The following SPIDR variants were observed in gnomAD, a reference collection of about 807,000 sequenced individuals.
The protein encoded by SPIDR is scaffold protein involved in DNA repair.
In SPIDR, 93 loss-of-function variants were observed where a neutral mutation model predicts 104.6. The observed-to-expected ratio is 0.89, with a 90% CI of 0.75 to 1.06. SPIDR has a LOEUF of 1.06. SPIDR is among the 50% of genes least tolerant of loss of function. SPIDR has a pLI of 0.00. For synonymous variants in SPIDR, 431 were observed against 416.9 expected (o/e 1.03, Z -0.41); for missense variants, 1,154 against 1,111.2 (o/e 1.04, Z -0.55).
chr8:47,378,757 A>G (rs1178499008), intron 5 of SPIDR, among the ~76,000 whole-genome samples: 3 of 152,338 alleles, frequency 2.0e-5, no homozygotes, highest in Non-Finnish European at 4.4e-5. Context: ...TACACCTAAG[A>G]TGGCAAGATG....
chr8:47,571,549 T>C (rs892130693), intron 8 of SPIDR, among the ~76,000 whole-genome samples: 1 of 152,178 alleles, frequency 6.6e-6, no homozygotes, highest in African/African-American at 2.4e-5. Flanking sequence ...TTAAGGAAAG[T>C]AATTTATAAA....
intron 11 of SPIDR, among the ~76,000 whole-genome samples, chr8:47,695,814 G>A (rs1205076711): frequency 6.6e-6 from 1 of 152,080 alleles, no homozygotes; most frequent in Admixed American, 6.5e-5. Flanking sequence ...GGCCAGAGGA[G>A]GTAGATCATT....
intron 8 of SPIDR, among the ~76,000 whole-genome samples, chr8:47,448,047 A>G (rs571136331): frequency 2.1e-4 from 32 of 152,204 alleles, no homozygotes; most frequent in East Asian, 3.8e-4. Context: ...GTCTGCAGCT[A>G]TACTTCCAGT....
chr8:47,292,624 C>T (rs1410087367), intron 4 of SPIDR, among the ~76,000 whole-genome samples: 2 of 152,000 alleles, frequency 1.3e-5, no homozygotes, highest in Non-Finnish European at 2.9e-5. Flanking sequence ...TATTGTAGAC[C>T]CAATTTCCTC....
chr8:47,279,758 C>T (rs1399993810), intron 1 of SPIDR, 104 bp from the exon 2 acceptor site: 12 of 1,147,248 alleles, frequency 1.0e-5, no homozygotes, highest in South Asian at 4.6e-5. Context: ...TTTACTGATG[C>T]CACTTCTAGG....
intron 8 of SPIDR, among the ~76,000 whole-genome samples, chr8:47,490,869 A>T (rs189920924): frequency 8.3e-4 from 126 of 152,302 alleles, no homozygotes; most frequent in Middle Eastern, 3.4e-3. Flanking sequence ...GAGGGGAGGG[A>T]TAGCATTATG....
intron 7 of SPIDR, among the ~76,000 whole-genome samples, chr8:47,413,508 C>A (rs1366232421): frequency 6.6e-6 from 1 of 152,210 alleles, no homozygotes; most frequent in Non-Finnish European, 1.5e-5. Flanking sequence ...TGGAGAATAA[C>A]CAAATAGTCC....
intron 6 of SPIDR, among the ~76,000 whole-genome samples, chr8:47,398,525 G>C (rs559170894): frequency 1.3e-5 from 2 of 152,328 alleles, no homozygotes; most frequent in African/African-American, 4.8e-5. Context: ...CTGAGGAGAT[G>C]CCTCATTGAG....
At chr8:47,339,263 C>T (rs1343632385) in intron 5 of SPIDR, among the ~76,000 whole-genome samples, 1 of 152,100 alleles carries the variant, frequency 6.6e-6, no homozygotes, top group Non-Finnish European at 1.5e-5. Flanking sequence ...GATAAGATTG[C>T]CCCTTCTGTT....
rs1046019907 is a variant in SPIDR, at chr8:47,587,788, C to T, written c.1098-8023C>T. Reference sequence around the variant, plus strand: ...AAAACAAAAACAAACAAAAATCACACTGTGGAGATCAATTTAAAAAAAAAA... The same window carrying T: ...AAAACAAAAACAAACAAAAATCACATTGTGGAGATCAATTTAAAAAAAAAA... On this transcript the variant is annotated intron_variant, in intron 8 of 19. Coordinates refer to ENST00000297423, the MANE Select transcript of SPIDR (RefSeq NM_001080394.4). Among the ~76,000 whole-genome samples the T allele has an allele frequency of 2.3e-4, 35 of 150,308 alleles. No individual in the cohort carries two copies. In the Admixed American group the frequency reaches 2.3e-3, roughly 10 times the overall value.
intron 5 of SPIDR, among the ~76,000 whole-genome samples, chr8:47,324,064 A>C (rs1192912929): frequency 6.6e-6 from 1 of 152,204 alleles, no homozygotes. Flanking sequence ...TAACTGAAAT[A>C]CATGTTCTTT....
At chr8:47,409,137 G>C (rs1554669475) in intron 7 of SPIDR, among the ~76,000 whole-genome samples, 2 of 152,306 alleles carry the variant, frequency 1.3e-5, no homozygotes, top group South Asian at 2.1e-4. Context: ...AGTGAGCCAA[G>C]GTTGTGCCAC....
intron 11 of SPIDR, among the ~76,000 whole-genome samples, chr8:47,685,497 A>ATTTTTTTTTTTTTTT (rs1383864694): frequency 1.8e-5 from 2 of 113,204 alleles, no homozygotes; most frequent in Non-Finnish European, 4.3e-5. Context: ...TTATTTATTT[A>ATTTTTTTTTTTTTTT]TTTATTTATT....
intron 8 of SPIDR, among the ~76,000 whole-genome samples, chr8:47,476,243 T>A (rs1262621834): frequency 2.0e-5 from 3 of 152,098 alleles, no homozygotes; most frequent in African/African-American, 7.2e-5. Context: ...AATAACAGGG[T>A]TCAGCTACTG....
Position 47,293,943 on chromosome 8 carries a change from CGAG to C in SPIDR, c.440_442del (p.Glu147del). 2 of 1,614,024 alleles carry C rather than the reference CGAG, an allele frequency of 1.2e-6. No homozygotes were observed. The highest frequency in any genetic ancestry group is 4.5e-5 in the East Asian group (2 of 44,872). ...GTGACTGTGATGAATTTGAAGATGA[CGAG>C]GGTGCTGTGGAAATCTCAGACTGTG... On this transcript the variant is annotated inframe_deletion, in exon 5 of 20. Coordinates refer to ENST00000297423, the MANE Select transcript of SPIDR (RefSeq NM_001080394.4).
At chr8:47,309,468 G>A (rs2043726625) in intron 5 of SPIDR, among the ~76,000 whole-genome samples, 1 of 152,130 alleles carries the variant, frequency 6.6e-6, no homozygotes, top group African/African-American at 2.4e-5. Context: ...TGTTGCATCT[G>A]TGCCAGAAAT....
chr8:47,339,721 C>G (rs1554612490), intron 5 of SPIDR, among the ~76,000 whole-genome samples: 1 of 150,074 alleles, frequency 6.7e-6, no homozygotes, highest in African/African-American at 2.5e-5. Flanking sequence ...GCACTGTCGC[C>G]TGGACTGGAG....
At chr8:47,688,312 C>T (rs961233389) in intron 11 of SPIDR, 5 of 151,662 alleles carry the variant, frequency 3.3e-5, no homozygotes, top group African/African-American at 4.9e-5. Flanking sequence ...TCAGTAGAGA[C>T]GGGCTTTTAC....
Position 47,291,077 on chromosome 8 carries a change from T to C in SPIDR, c.301T>C (p.Trp101Arg). 6.2e-7 allele frequency: 1 copy of C among 1,613,382 alleles called. No homozygotes were observed. Among genetic ancestry groups the C allele is most frequent in the South Asian group, 1.1e-5 (1 of 90,910 alleles). Residue 101 changes from tryptophan (W) to arginine (R), a missense_variant, in exon 4 of 20, where the codon TGG (tryptophan) becomes CGG (arginine). Trp to Arg is a moderately radical substitution (Grantham distance 101). Transcript: ENST00000297423. ...CACCAGTGGGCTTACAGACATAACA[T>C]GGAGCTCCAGTGGAAGTGATTTGTC... The part of the protein sequence containing the change: ...KSTSGLTDIT[W>R]SSSGSDLSDE...
Sources: gnomAD v4.1 joint callset for allele counts (sites outside exome capture counted in the v4.1 genomes callset) on GRCh38, gnomAD v4.1.1 for gene constraint, MANE v1.5 for transcripts, NCBI Gene and HGNC (gene_info 2026-07-23, HGNC 2026-07-21) for gene names.